FGF12: variants seen among roughly 807,000 people sequenced by gnomAD.
FGF12 encodes fibroblast growth factor 12.
A neutral mutation model predicts 23.6 loss-of-function variants in FGF12; 14 were observed. That is an observed-to-expected ratio of 0.59 (90% CI 0.39 to 0.93). The LOEUF (loss-of-function observed/expected upper bound fraction) is 0.93, where lower values mean the gene tolerates loss of function less well. Ranked by LOEUF, FGF12 falls within the 40% of genes least tolerant of loss-of-function variation. FGF12 has a pLI of 0.00. For synonymous variants in FGF12, 62 were observed against 77.3 expected (o/e 0.80, Z 1.04); for missense variants, 175 against 217.8 (o/e 0.80, Z 1.24).
At chr3:192,602,676 G>A (rs1017169003) in intron 2 of FGF12, among the ~76,000 whole-genome samples, 10 of 150,366 alleles carry the variant, frequency 6.7e-5, no homozygotes, top group African/African-American at 1.5e-4. Context: ...AAACGTTGCT[G>A]TTTATGAGTA....
intron 2 of FGF12, among the ~76,000 whole-genome samples, chr3:192,564,030 G>GT (rs1456907372): frequency 3.6e-5 from 5 of 138,944 alleles, no homozygotes; most frequent in Admixed American, 1.4e-4. Context: ...ACTATGTGTA[G>GT]TTTTTTGTTT....
chr3:192,168,668 A>G (rs75526466), intron 5 of FGF12, among the ~76,000 whole-genome samples: 10,503 of 152,234 alleles, frequency 0.069, 435 homozygotes, highest in African/African-American at 0.11. Context: ...TCTATTCATT[A>G]ATTCATTCAC....
Position 192,681,274 on chromosome 3 carries a change from T to C in FGF12, c.13+45907A>G, listed in dbSNP as rs115093694. On this transcript the variant is annotated intron_variant, in intron 2 of 5. Coordinates refer to ENST00000445105, the MANE Select transcript of FGF12 (RefSeq NM_004113.6). ...ACTAGAGACGATAAAAGGGGTGACA[T>C]AAAGTCAGACTAGGTGAGGAAAGGG... Among the ~76,000 whole-genome samples the C allele has an allele frequency of 1.6e-3, 251 of 152,208 alleles. 1 individual carries two copies. The highest frequency in any genetic ancestry group is 5.8e-3 in the African/African-American group (240 of 41,536).
chr3:192,179,371 T>C (rs1420514336), intron 4 of FGF12, among the ~76,000 whole-genome samples: 1 of 152,184 alleles, frequency 6.6e-6, no homozygotes, highest in African/African-American at 2.4e-5. Context: ...GGTAAATTTA[T>C]ACCATCATAA....
chr3:192,158,596 TTC>T (rs997415887), intron 5 of FGF12, among the ~76,000 whole-genome samples: 13 of 128,268 alleles, frequency 1.0e-4, no homozygotes, highest in African/African-American at 3.6e-4. Context: ...CTTCTCGTCT[TTC>T]TCTTTTTTTC....
At chr3:192,436,622 C>G (rs1461553583) in intron 2 of FGF12, among the ~76,000 whole-genome samples, 4 of 152,206 alleles carry the variant, frequency 2.6e-5, no homozygotes, top group Non-Finnish European at 5.9e-5. Flanking sequence ...TGTATCCAGG[C>G]TGGACAGCCA....
chr3:192,425,584 AAATG>A (rs924959622), intron 2 of FGF12, among the ~76,000 whole-genome samples: 3 of 152,234 alleles, frequency 2.0e-5, no homozygotes, highest in African/African-American at 7.2e-5. Flanking sequence ...ACAAAACAAT[AAATG>A]AATGAACAGT....
rs56920518 is a variant in FGF12, at chr3:192,252,462, C to CAAA, written c.229-81809_229-81807dup. 7.2e-3 allele frequency among the ~76,000 whole-genome samples: 199 copies of CAAA among 27,498 alleles called. 22 individuals carry two copies. Among genetic ancestry groups the CAAA allele is most frequent in the African/African-American group, 0.018 (142 of 7,830 alleles). 18.0% of individuals were successfully genotyped at this position (27,498 alleles called of 152,430 possible). ...TGGGTAATGGAGTGAGAATCTGTCT[C>CAAA]AAAAAAAAAAAAAAAAAAAAAAAAA... On this transcript the variant is annotated intron_variant, in intron 4 of 5. Coordinates refer to ENST00000445105, the MANE Select transcript of FGF12 (RefSeq NM_004113.6).
At position 192,336,674 on chromosome 3, in the gene FGF12, T is replaced by C. The variant is rs996188318; in HGVS notation, c.125-1210A>G. ...TTCTGTTGATAAAATTCCTATCAGT[T>C]CTCGTCTTCTTAGTTTTTAATACAA... On this transcript the variant is annotated intron_variant, in intron 3 of 5. Transcript: ENST00000445105. The surrounding 1 kb of genome is among the most constrained non-coding windows in gnomAD (Gnocchi z 4.3). Among the ~76,000 whole-genome samples, 2 of 152,104 alleles carry C rather than the reference T, an allele frequency of 1.3e-5. No individual in the cohort carries two copies. The highest frequency in any genetic ancestry group is 4.8e-5 in the African/African-American group (2 of 41,422).
At chr3:192,290,902 C>G (rs1056124176) in intron 4 of FGF12, among the ~76,000 whole-genome samples, 11 of 152,040 alleles carry the variant, frequency 7.2e-5, no homozygotes, top group Non-Finnish European at 1.2e-4. Context: ...AAAAAGGACA[C>G]ATACAAAAAA....
Position 192,167,760 on chromosome 3 carries a change from TA to T in FGF12, c.427+2697del, listed in dbSNP as rs1560175670. Among the ~76,000 whole-genome samples, 32 of 31,874 alleles carry T rather than the reference TA, an allele frequency of 1.0e-3. 3 individuals carry two copies. The highest frequency in any genetic ancestry group is 4.7e-3 in the South Asian group (3 of 636). The allele number at this position is 31,874 out of a possible 152,430, so 20.9% of individuals were successfully genotyped here. ...ATATATATATATATATATATATATA[TA>T]TATATATAAAATTTTTTTTTTTTTT... is the stretch of plus-strand genomic sequence containing the variant. On this transcript the variant is annotated intron_variant, in intron 5 of 5. Transcript: ENST00000445105.
At chr3:192,296,062 CTT>C (rs34021285) in intron 4 of FGF12, among the ~76,000 whole-genome samples, 20,970 of 78,398 alleles carry the variant, frequency 0.27, 1,242 homozygotes, top group East Asian at 0.6. Context: ...GTTTTTCTTT[CTT>C]TTTTTTTTTT....
chr3:192,501,497 A>G (rs1322814185), intron 2 of FGF12, among the ~76,000 whole-genome samples: 1 of 152,194 alleles, frequency 6.6e-6, no homozygotes, highest in Admixed American at 6.5e-5. Flanking sequence ...TGGAATCCAT[A>G]AGTATTGCAT....
In FGF12 at chr3:192,727,522, C is replaced by A. The variant is rs1719265373; in HGVS notation, c.-169G>T. 5.9e-6 allele frequency: 3 copies of A among 511,470 alleles called. No homozygotes were observed. Among genetic ancestry groups the A allele is most frequent in the African/African-American group, 3.9e-5 (2 of 50,772 alleles). 31.7% of individuals were successfully genotyped at this position (511,470 alleles called of 1,614,324 possible). A position where few individuals can be genotyped will look rare whatever the true frequency, so the allele number is the denominator to read the frequency against. On this transcript the variant is annotated 5_prime_UTR_variant, in exon 1 of 6. Transcript: ENST00000445105. Reference sequence around the variant, plus strand: ...CTGCAGGCAGGAGCTGTCCTCCGAGCGTGGTGCTGCAGGTGTAGTGACAGA... The same window carrying A: ...CTGCAGGCAGGAGCTGTCCTCCGAGAGTGGTGCTGCAGGTGTAGTGACAGA...
intron 5 of FGF12, among the ~76,000 whole-genome samples, chr3:192,164,384 A>G (rs751517885): frequency 6.6e-6 from 1 of 152,192 alleles, no homozygotes; most frequent in Non-Finnish European, 1.5e-5. Context: ...ATCTATCAGA[A>G]TAGGTGACCC....
At chr3:192,209,299 T>C (rs1182108499) in intron 4 of FGF12, among the ~76,000 whole-genome samples, 1 of 152,114 alleles carries the variant, frequency 6.6e-6, no homozygotes, top group Non-Finnish European at 1.5e-5. Context: ...CCAGCAGCCA[T>C]CTTGAATCAA....
At chr3:192,331,454 T>C (rs967574607) in intron 4 of FGF12, among the ~76,000 whole-genome samples, 1 of 151,900 alleles carries the variant, frequency 6.6e-6, no homozygotes, top group Admixed American at 6.6e-5. Flanking sequence ...CATCAGTAGA[T>C]GAATAGATAA....
At chr3:192,325,677 G>A (rs369769635) in intron 4 of FGF12, among the ~76,000 whole-genome samples, 8 of 152,070 alleles carry the variant, frequency 5.3e-5, no homozygotes, top group East Asian at 1.9e-4. Context: ...TAAAGCCTGC[G>A]TATCTTTTTA....
chr3:192,417,374 G>T (rs1445256876), intron 2 of FGF12, among the ~76,000 whole-genome samples: 1 of 147,590 alleles, frequency 6.8e-6, no homozygotes, highest in Non-Finnish European at 1.5e-5. Context: ...AAAAAAAAAT[G>T]CTAAAAATGA....
Sources: gnomAD v4.1 joint callset for allele counts (sites outside exome capture counted in the v4.1 genomes callset) on GRCh38, gnomAD v4.1.1 for gene constraint, Gnocchi (gnomAD v3.1) non-coding constraint, MANE v1.5 for transcripts, NCBI Gene and HGNC (gene_info 2026-07-23, HGNC 2026-07-21) for gene names.